CMC1: variants seen among roughly 807,000 people sequenced by gnomAD.
The protein encoded by CMC1 is COX assembly mitochondrial protein homolog.
CMC1 carries 14 observed loss-of-function variants against 14.1 expected under a neutral mutation model. The ratio of observed to expected loss-of-function variants is 0.99; its 90% confidence interval spans 0.66 to 1.55. The LOEUF (loss-of-function observed/expected upper bound fraction) is 1.55. Among genes scored for constraint, CMC1 ranks in the 40% most tolerant of loss-of-function variants. CMC1 has a pLI of 0.00. For missense variants in CMC1, 127 were observed against 123.8 expected (o/e 1.03, Z -0.12); for synonymous variants, 50 against 38.4 (o/e 1.30, Z -1.12).
At position 28,324,100 on chromosome 3, in the gene CMC1, T is replaced by C. The variant is rs750058248; in HGVS notation, c.*4471T>C. 8 of 1,609,966 alleles carry C rather than the reference T, an allele frequency of 5.0e-6. No homozygotes were observed. Among genetic ancestry groups the C allele is most frequent in the South Asian group, 1.1e-5 (1 of 90,934 alleles). ...ATCCAAGTAATGCAGTGGTGGAAGG[T>C]TGGGTAAAGGCAAAGTTTTAGTTTT... On this transcript the variant is annotated 3_prime_UTR_variant, in exon 4 of 4. Transcript: ENST00000466830.
intron 2 of CMC1, among the ~76,000 whole-genome samples, chr3:28,264,691 A>G (rs1699914281): frequency 6.6e-6 from 1 of 152,118 alleles, no homozygotes; most frequent in Non-Finnish European, 1.5e-5. Context: ...TCCTCATACA[A>G]CTTAAAAAAT....
chr3:28,311,347 A>G (rs1702630367), intron 2 of CMC1, among the ~76,000 whole-genome samples: 1 of 152,170 alleles, frequency 6.6e-6, no homozygotes. Context: ...TACTTAGGTC[A>G]TTGATGCAGA....
chr3:28,274,911 A>G (rs1480634846), intron 2 of CMC1, among the ~76,000 whole-genome samples: 1 of 151,700 alleles, frequency 6.6e-6, no homozygotes, highest in African/African-American at 2.4e-5. Context: ...ACTTGTTGCA[A>G]ATTCTCAGGT....
intron 3 of CMC1, 27 bp from the exon 4 acceptor site, chr3:28,319,482 G>A: frequency 2.6e-6 from 4 of 1,566,504 alleles, no homozygotes; most frequent in Non-Finnish European, 2.6e-6. Flanking sequence ...TTATTTACTT[G>A]AAAATATTTT....
chr3:28,299,984 A>G (rs982342357), intron 2 of CMC1, among the ~76,000 whole-genome samples: 8 of 152,196 alleles, frequency 5.3e-5, no homozygotes, highest in African/African-American at 1.9e-4. Flanking sequence ...TAAATTCTTT[A>G]AATAAACTGC....
At position 28,320,980 on chromosome 3, in the gene CMC1, A is replaced by T. The variant is rs910560148; in HGVS notation, c.*1351A>T. Reference sequence around the variant, plus strand: ...AACTTTCCCTAATCCCATGCAATAGATCTGAGAGATTTTTTTTTAAGAAAG... The same window carrying T: ...AACTTTCCCTAATCCCATGCAATAGTTCTGAGAGATTTTTTTTTAAGAAAG... On this transcript the variant is annotated 3_prime_UTR_variant, in exon 4 of 4. Transcript: ENST00000466830. 1.3e-5 allele frequency: 2 copies of T among 151,252 alleles called. No individual in the cohort carries two copies. The highest frequency in any genetic ancestry group is 3.0e-5 in the Non-Finnish European group (2 of 67,606). The allele number at this position is 151,252 out of a possible 1,614,324, so 9.4% of individuals were successfully genotyped here.
intron 2 of CMC1, chr3:28,294,322 C>A: frequency 5.9e-6 from 1 of 168,612 alleles, no homozygotes; most frequent in African/African-American, 2.4e-5. Context: ...GCTTTATTTT[C>A]TTACGGAATA....
intron 2 of CMC1, among the ~76,000 whole-genome samples, chr3:28,303,141 G>A (rs1381591531): frequency 2.0e-5 from 3 of 152,160 alleles, no homozygotes; most frequent in African/African-American, 4.8e-5. Context: ...CACGCATAAA[G>A]TACCTAGTAT....
chr3:28,252,401 G>A (rs962735905), intron 1 of CMC1, among the ~76,000 whole-genome samples: 8 of 152,188 alleles, frequency 5.3e-5, no homozygotes, highest in African/African-American at 1.7e-4. Context: ...AAGCGTTTGA[G>A]CTTATACAAA....
chr3:28,266,876 A>C (rs911608129), intron 2 of CMC1, among the ~76,000 whole-genome samples: 4 of 152,198 alleles, frequency 2.6e-5, no homozygotes, highest in Non-Finnish European at 5.9e-5. Context: ...TAAATGACTG[A>C]AGTATACTGG....
At chr3:28,277,632 G>C (rs1700649778) in intron 2 of CMC1, among the ~76,000 whole-genome samples, 1 of 152,140 alleles carries the variant, frequency 6.6e-6, no homozygotes, top group Admixed American at 6.6e-5. Context: ...GATCAATATA[G>C]GTCTCACTGA....
At chr3:28,246,798 A>ATTTTT (rs770788764) in intron 1 of CMC1, among the ~76,000 whole-genome samples, 3 of 121,464 alleles carry the variant, frequency 2.5e-5, no homozygotes, top group African/African-American at 6.2e-5. Context: ...GGGTCCATTG[A>ATTTTT]TTTTTTTTTT....
At chr3:28,273,731 G>A (rs778850339) in intron 2 of CMC1, among the ~76,000 whole-genome samples, 2 of 152,118 alleles carry the variant, frequency 1.3e-5, no homozygotes, top group Admixed American at 6.6e-5. Context: ...TTGTGTGGGA[G>A]TCTAAGTCTC....
chr3:28,272,130 CAG>C (rs1700323504), intron 2 of CMC1, among the ~76,000 whole-genome samples: 2 of 152,124 alleles, frequency 1.3e-5, no homozygotes, highest in African/African-American at 4.8e-5. Context: ...TGGGCTGAGA[CAG>C]TGGGGTTTTC....
chr3:28,251,179 G>C (rs1336734834), intron 1 of CMC1, among the ~76,000 whole-genome samples: 2 of 152,148 alleles, frequency 1.3e-5, no homozygotes, highest in Admixed American at 6.5e-5. Context: ...CATCTGCTTG[G>C]CTTCTGATGA....
intron 2 of CMC1, among the ~76,000 whole-genome samples, chr3:28,314,796 C>G (rs1339779039): frequency 2.0e-5 from 3 of 151,578 alleles, no homozygotes; most frequent in African/African-American, 7.3e-5. Context: ...TTTAATAAAT[C>G]TCATTTTTGG....
At chr3:28,285,827 C>T (rs553741090) in intron 2 of CMC1, among the ~76,000 whole-genome samples, 24 of 150,046 alleles carry the variant, frequency 1.6e-4, no homozygotes, top group Non-Finnish European at 3.1e-4. Flanking sequence ...AGTGCAGTGG[C>T]GCGATCTTGG....
At chr3:28,300,693 C>CTTTCCCTCCT (rs1234237828) in intron 2 of CMC1, among the ~76,000 whole-genome samples, 4 of 85,162 alleles carry the variant, frequency 4.7e-5, no homozygotes, top group Non-Finnish European at 1.1e-4. Flanking sequence ...CTTTCCCTCC[C>CTTTCCCTCCT]TTTCCCTCCC....
intron 1 of CMC1, among the ~76,000 whole-genome samples, chr3:28,256,467 A>G (rs1475247812): frequency 3.9e-5 from 6 of 152,160 alleles, no homozygotes; most frequent in Admixed American, 3.9e-4. Flanking sequence ...AATCTGCAAA[A>G]TACCTTCACA....
Sources: allele counts gnomAD v4.1 joint callset (sites outside exome capture counted in the v4.1 genomes callset), GRCh38; gene constraint gnomAD v4.1.1; transcripts MANE v1.5; gene names NCBI Gene and HGNC (gene_info 2026-07-23, HGNC 2026-07-21).